Variants in LRRC7 observed in about 807,000 individuals in gnomAD.
The protein encoded by LRRC7 is leucine rich repeat containing 7, also known as leucine-rich repeat-containing protein 7.
LRRC7 carries 23 observed loss-of-function variants against 175.7 expected under a neutral mutation model. That is an observed-to-expected ratio of 0.13 (90% confidence interval 0.09 to 0.19). The LOEUF (loss-of-function observed/expected upper bound fraction) is 0.19, where lower values mean the gene tolerates loss of function less well. LRRC7 is among the 10% of genes least tolerant of loss of function. LRRC7 has a pLI of 1.00. For missense variants in LRRC7, 1,354 were observed against 1,904.7 expected (o/e 0.71, Z 5.38); for synonymous variants, 685 against 680.9 (o/e 1.01, Z -0.09).
intron 8 of LRRC7, among the ~76,000 whole-genome samples, chr1:69,949,694 A>T (rs191512400): frequency 6.6e-6 from 1 of 152,210 alleles, no homozygotes. Context: ...GCCATAAACA[A>T]CTTTTTATAT....
At chr1:69,904,793 A>G (rs768508263) in intron 7 of LRRC7, among the ~76,000 whole-genome samples, 11 of 152,234 alleles carry the variant, frequency 7.2e-5, no homozygotes, top group Middle Eastern at 3.4e-3. Context: ...ATCATACCCA[A>G]TAAGCAGTTT....
chr1:70,134,139 TATTATG>T lies in LRRC7; in HGVS notation c.*12254_*12259del, dbSNP rs972693847. ...ATAATATGACAATCAGATTTTATTT[TATTATG>T]AAGTGAATAAGAAATGTATTTCGAA... On this transcript the variant is annotated 3_prime_UTR_variant, in exon 27 of 27. Transcript: ENST00000651989. Among the ~76,000 whole-genome samples the T allele has an allele frequency of 3.3e-5, 5 of 152,242 alleles. No homozygotes were observed. The highest frequency in any genetic ancestry group is 7.3e-5 in the Non-Finnish European group (5 of 68,038).
chr1:69,882,990 C>T (rs547651098), intron 7 of LRRC7, among the ~76,000 whole-genome samples: 2 of 152,146 alleles, frequency 1.3e-5, no homozygotes, highest in Non-Finnish European at 2.9e-5. Flanking sequence ...ATATGTGCCA[C>T]ATTTTCTTAA....
chr1:70,004,184 G>A (rs184739999), intron 11 of LRRC7, among the ~76,000 whole-genome samples: 115 of 152,184 alleles, frequency 7.6e-4, no homozygotes, highest in South Asian at 1.7e-3. Context: ...ATGCGTTTTC[G>A]TCATACTTTC....
At chr1:69,733,119 G>T (rs1667759859) in intron 2 of LRRC7, among the ~76,000 whole-genome samples, 2 of 152,008 alleles carry the variant, frequency 1.3e-5, no homozygotes, top group Admixed American at 6.6e-5. Context: ...GGATCAATGT[G>T]CTCTATTTAT....
intron 11 of LRRC7, among the ~76,000 whole-genome samples, chr1:70,001,749 CCTTA>C (rs1397645334): frequency 6.6e-6 from 1 of 152,108 alleles, no homozygotes; most frequent in Non-Finnish European, 1.5e-5. Flanking sequence ...TGTTGCTGAA[CCTTA>C]CTATGTGCCT....
chr1:69,935,971 TG>T (rs1159797639), intron 8 of LRRC7, among the ~76,000 whole-genome samples: 1 of 152,132 alleles, frequency 6.6e-6, no homozygotes, highest in Non-Finnish European at 1.5e-5. Context: ...TTCATTTCTG[TG>T]GGGGGCTTAA....
In LRRC7 at chr1:70,128,696, G is replaced by A. The variant is rs1666545970; in HGVS notation, c.*6809G>A. 1 of 152,042 alleles carries A rather than the reference G, an allele frequency of 6.6e-6. No homozygotes were observed. The highest frequency in any genetic ancestry group is 6.6e-5 in the Admixed American group (1 of 15,264). The allele number at this position is 152,042 out of a possible 1,614,324, so 9.4% of individuals were successfully genotyped here. On this transcript the variant is annotated 3_prime_UTR_variant, in exon 27 of 27. Coordinates refer to ENST00000651989, the MANE Select transcript of LRRC7 (RefSeq NM_001370785.2). The stretch of plus-strand genomic sequence containing the variant: ...TTGTTGGGCATCAACTACATATCAG[G>A]TACTATGAGGGATGTAATGTGGTCC...
At chr1:70,119,584 T>C (rs998626468) in intron 26 of LRRC7, among the ~76,000 whole-genome samples, 4 of 152,092 alleles carry the variant, frequency 2.6e-5, no homozygotes, top group African/African-American at 9.7e-5. Context: ...AGATCTTTCA[T>C]GATAAAAGTA....
intron 2 of LRRC7, among the ~76,000 whole-genome samples, chr1:69,715,020 T>C (rs954477474): frequency 5.9e-5 from 9 of 152,232 alleles, no homozygotes; most frequent in African/African-American, 2.2e-4. Context: ...TCACCCTAGC[T>C]TTTATTTTCC....
At chr1:69,719,069 G>A (rs894634357) in intron 2 of LRRC7, among the ~76,000 whole-genome samples, 5 of 151,614 alleles carry the variant, frequency 3.3e-5, no homozygotes, top group Admixed American at 3.3e-4. Context: ...TATCATTCAG[G>A]ATATCGTTAT....
chr1:69,639,023 T>A (rs1653804169), intron 1 of LRRC7, among the ~76,000 whole-genome samples: 1 of 151,836 alleles, frequency 6.6e-6, no homozygotes, highest in South Asian at 2.1e-4. Context: ...TATCTAAGTT[T>A]TTTAACTCAA....
At chr1:69,958,866 C>T (rs1650763685) in intron 8 of LRRC7, among the ~76,000 whole-genome samples, 1 of 152,126 alleles carries the variant, frequency 6.6e-6, no homozygotes, top group East Asian at 1.9e-4. Flanking sequence ...CAGTCTTAAC[C>T]AATTGTCTTA....
At chr1:69,770,375 T>A (rs1672094818) in intron 3 of LRRC7, among the ~76,000 whole-genome samples, 1 of 152,216 alleles carries the variant, frequency 6.6e-6, no homozygotes, top group South Asian at 2.1e-4. Flanking sequence ...TAAAATTATT[T>A]GAAAACAAGG....
intron 1 of LRRC7, among the ~76,000 whole-genome samples, chr1:69,674,034 G>A (rs942614740): frequency 6.6e-6 from 1 of 151,906 alleles, no homozygotes; most frequent in African/African-American, 2.4e-5. Flanking sequence ...TGGAGGCAGG[G>A]CCTCGCTCTA....
chr1:69,578,395 G>A (rs1159377876), intron 1 of LRRC7, among the ~76,000 whole-genome samples: 1 of 147,188 alleles, frequency 6.8e-6, no homozygotes. Context: ...GATTCCTCAG[G>A]GATCTAGAAC....
At chr1:70,100,215 G>A (rs544134443) in intron 25 of LRRC7, among the ~76,000 whole-genome samples, 2 of 152,162 alleles carry the variant, frequency 1.3e-5, no homozygotes, top group African/African-American at 2.4e-5. Flanking sequence ...AAAAAGAACA[G>A]CCCACAATTA....
intron 3 of LRRC7, among the ~76,000 whole-genome samples, chr1:69,762,468 GAAGT>G (rs1312797991): frequency 8.6e-5 from 13 of 151,976 alleles, no homozygotes; most frequent in African/African-American, 3.1e-4. Context: ...CATTTTTGGA[GAAGT>G]AAGGGAAGAA....
chr1:69,919,266 G>A, intron 7 of LRRC7: 1 of 475,518 alleles, frequency 2.1e-6, no homozygotes, highest in Non-Finnish European at 3.8e-6. Context: ...TACACAAGCA[G>A]CCAAATGTAT....
Sources: gnomAD v4.1 joint callset for allele counts (sites outside exome capture counted in the v4.1 genomes callset) on GRCh38, gnomAD v4.1.1 for gene constraint, MANE v1.5 for transcripts, NCBI Gene and HGNC (gene_info 2026-07-23, HGNC 2026-07-21) for gene names.